The following YY1AP1 variants were observed in gnomAD, a reference collection of about 807,000 sequenced individuals.
YY1AP1 encodes the protein YY1 associated protein 1.
YY1AP1 carries 43 observed loss-of-function variants against 39.9 expected under a neutral mutation model. That is an observed-to-expected ratio of 1.08 (90% confidence interval 0.84 to 1.39). The LOEUF (loss-of-function observed/expected upper bound fraction) is 1.39, where lower values mean the gene tolerates loss of function less well. YY1AP1 is among the 40% of genes most tolerant of loss of function. YY1AP1 has a pLI of 0.00. For missense variants in YY1AP1, 813 were observed against 900.7 expected, an observed-to-expected ratio of 0.90 and a Z score of 1.25; for synonymous variants, 292 against 331.3, an observed-to-expected ratio of 0.88 and a Z score of 1.29.
At chr1:155,671,101 G>A (rs1180829734) in intron 7 of YY1AP1, 2 of 152,318 alleles carry the variant, frequency 1.3e-5, no homozygotes, top group African/African-American at 4.8e-5. Flanking sequence ...AATCTCTGAA[G>A]GATAACAGAC....
Position 155,660,184 on chromosome 1 carries a change from G to A in YY1AP1, c.1726C>T (p.Pro576Ser), listed in dbSNP as rs1313568546. 14 of 1,614,082 alleles carry A rather than the reference G, an allele frequency of 8.7e-6. No individual in the cohort carries two copies. The highest frequency in any genetic ancestry group is 4.2e-6 in the Non-Finnish European group (5 of 1,180,048). The change falls in exon 11 of 11, where the codon CCT (proline) becomes TCT (serine). Residue 576 changes from proline (P) to serine (S), a missense_variant. Pro to Ser is a moderately conservative substitution (Grantham distance 74). Transcript: ENST00000355499. ...CTCTGGGCCACAGCCGCATTGACAG[G>A]CTGGATCATGTTACAGCCACCGCCA... The part of the protein sequence containing the change: ...SLGGGCNMIQ[P>S]VNAAVAQSPQ...
chr1:155,662,472 C>CCAG (rs1275557643), intron 9 of YY1AP1, among the ~76,000 whole-genome samples: 30 of 151,526 alleles, frequency 2.0e-4, no homozygotes, highest in African/African-American at 7.3e-4. Flanking sequence ...CCACTGCACT[C>CCAG]CAGCGTTGGT....
chr1:155,688,833 C>A, upstream of YY1AP1: 1 of 1,580,432 alleles, frequency 6.3e-7, no homozygotes, highest in East Asian at 2.3e-5. Context: ...TTCCTGGCGG[C>A]TGCAGGGGCA....
chr1:155,679,282 C>T (rs920503143), intron 4 of YY1AP1, 127 bp downstream of exon 4: 5 of 1,547,044 alleles, frequency 3.2e-6, no homozygotes, highest in East Asian at 2.4e-5. Flanking sequence ...CCTGACAGGA[C>T]TCTGCATCCT....
intron 9 of YY1AP1, among the ~76,000 whole-genome samples, chr1:155,664,140 A>T (rs1014379251): frequency 1.3e-5 from 2 of 151,978 alleles, no homozygotes; most frequent in African/African-American, 4.8e-5. Flanking sequence ...AAAAAAAAAA[A>T]GTTAAATGGC....
chr1:155,668,837 C>G, intron 8 of YY1AP1, 60 bp from the exon 9 acceptor site: 1 of 1,609,798 alleles, frequency 6.2e-7, no homozygotes, highest in South Asian at 1.1e-5. Flanking sequence ...AAAGGGCCTC[C>G]CCAGACTAAC....
chr1:155,674,878 T>C (rs558295562), intron 6 of YY1AP1, 132 bp downstream of exon 6: 2 of 722,812 alleles, frequency 2.8e-6, no homozygotes, highest in Admixed American at 5.3e-5. Context: ...TGTGAATCAG[T>C]GGCTTATGTT....
intron 3 of YY1AP1, chr1:155,680,105 G>A (rs1269709397): frequency 3.8e-6 from 1 of 262,750 alleles, no homozygotes; most frequent in Non-Finnish European, 7.3e-6. Flanking sequence ...TTGAGCCCTG[G>A]AGGTCGAGGC....
At chr1:155,676,892 G>T in intron 4 of YY1AP1, 146 bp from the exon 5 acceptor site, 1 of 782,496 alleles carries the variant, frequency 1.3e-6, no homozygotes, top group Non-Finnish European at 2.0e-6. Flanking sequence ...CAAACTCCCA[G>T]CCTTACACAA....
At chr1:155,667,251 C>T (rs1649141170) in intron 9 of YY1AP1, among the ~76,000 whole-genome samples, 1 of 152,158 alleles carries the variant, frequency 6.6e-6, no homozygotes, top group African/African-American at 2.4e-5. Flanking sequence ...GTAATCCCAA[C>T]ACTCTGGGAG....
rs973489185 is a variant in YY1AP1 at position 155,661,017 on chromosome 1, C to T, written c.997-104G>A. 6 of 1,575,594 alleles carry T rather than the reference C, an allele frequency of 3.8e-6. No individual in the cohort carries two copies. The Admixed American group carries it at 9.0e-5, about 24-fold the overall frequency. ...CTGAGACAAGCTCAAGGCATCTTTC[C>T]AAGGGACTCTGCATATGAAATTTCT... On this transcript the variant is annotated intron_variant, in intron 10 of 10. Transcript: ENST00000355499.
At position 155,668,716 on chromosome 1, in the gene YY1AP1, T is replaced by TG; in HGVS notation, c.789dup (p.Lys264GlnfsTer26). The TG allele has an allele frequency of 6.2e-7, 1 of 1,614,172 alleles. No individual in the cohort carries two copies. The highest frequency in any genetic ancestry group is 8.5e-7 in the Non-Finnish European group (1 of 1,180,032). On this transcript the variant is annotated frameshift_variant, in exon 9 of 11. Coordinates refer to ENST00000355499, the MANE Select transcript of YY1AP1 (RefSeq NM_139119.3). LOFTEE classifies it high-confidence loss of function. ...GCAGTCTTGCAGGTTAGAAGGTACT[T>TG]GCTGATTAGAGGGTTAAGAAACTCA... is the stretch of plus-strand genomic sequence containing the variant.
intron 2 of YY1AP1, among the ~76,000 whole-genome samples, chr1:155,686,376 T>C (rs1289180286): frequency 6.6e-6 from 1 of 152,046 alleles, no homozygotes; most frequent in Non-Finnish European, 1.5e-5. Flanking sequence ...TTTCAAAGGA[T>C]TCCTTCAGCC....
chr1:155,664,291 T>C (rs1648622443), intron 9 of YY1AP1, among the ~76,000 whole-genome samples: 1 of 152,144 alleles, frequency 6.6e-6, no homozygotes, highest in Non-Finnish European at 1.5e-5. Context: ...TATTTTGAAA[T>C]AATTATATTC....
Position 155,688,375 on chromosome 1 carries a change from G to A in YY1AP1, c.-151-174C>T, listed in dbSNP as rs1489350405. 4.5e-6 allele frequency: 7 copies of A among 1,544,534 alleles called. No homozygotes were observed. In the East Asian group the frequency reaches 9.8e-5, roughly 22 times the overall value. On this transcript the variant is annotated intron_variant, in intron 1 of 10. Coordinates refer to ENST00000355499, the MANE Select transcript of YY1AP1 (RefSeq NM_139119.3). ...GCGGCAGCTCCTCCAGAGGGAGGGAGCTAAGGGCGCCTAGCGACACCCCCA... is the reference window on the plus strand; with the variant it reads ...GCGGCAGCTCCTCCAGAGGGAGGGAACTAAGGGCGCCTAGCGACACCCCCA...
Position 155,660,761 on chromosome 1 carries a change from T to C in YY1AP1, c.1149A>G (p.Leu383=), listed in dbSNP as rs149619998. 531 of 1,614,210 alleles carry C rather than the reference T, an allele frequency of 3.3e-4. No individual in the cohort carries two copies. Among genetic ancestry groups the C allele is most frequent in the Admixed American group, 1.9e-3 (116 of 60,028 alleles). ...GTTTCAGGACTACACCCTTAGGCAA[T>C]AGCAGTGGGTACCGAGTTTCACTCC... ...ELGSETRYPL[L]LPKGVVLKLK... is the part of the protein sequence containing the mutation. The change falls in exon 11 of 11, where the codon CTA becomes CTG. Residue 383 remains leucine, a synonymous_variant. Coordinates refer to ENST00000355499, the MANE Select transcript of YY1AP1 (RefSeq NM_139119.3).
intron 2 of YY1AP1, among the ~76,000 whole-genome samples, chr1:155,684,595 G>C (rs1651962427): frequency 1.4e-5 from 2 of 145,108 alleles, no homozygotes. Flanking sequence ...TTGTGAGACA[G>C]AGTGTTGCTC....
chr1:155,662,887 C>T (rs1245928751), intron 9 of YY1AP1, among the ~76,000 whole-genome samples: 1 of 151,930 alleles, frequency 6.6e-6, no homozygotes, highest in Non-Finnish European at 1.5e-5. Flanking sequence ...GCCTGTGATC[C>T]TAGCTACTTG....
intron 9 of YY1AP1, among the ~76,000 whole-genome samples, chr1:155,665,564 T>C (rs1648861000): frequency 6.6e-6 from 1 of 151,274 alleles, no homozygotes. Context: ...ATCGCGCCTT[T>C]GGACTCCAGC....
Sources: allele counts gnomAD v4.1 joint callset (sites outside exome capture counted in the v4.1 genomes callset), GRCh38; gene constraint gnomAD v4.1.1; transcripts MANE v1.5; gene names NCBI Gene and HGNC (gene_info 2026-07-23, HGNC 2026-07-21).